Variants in AEBP2 observed in about 807,000 individuals in gnomAD.
AEBP2 encodes the protein zinc finger protein AEBP2.
In AEBP2, 10 loss-of-function variants were observed where a neutral mutation model predicts 50.8. The observed-to-expected ratio is 0.20, with a 90% CI of 0.12 to 0.33. The LOEUF is 0.33. Ranked by LOEUF, AEBP2 falls within the 10% of genes least tolerant of loss-of-function variation. AEBP2 has a pLI of 1.00. For synonymous variants in AEBP2, 296 were observed against 261.3 expected (o/e 1.13, Z -1.28); for missense variants, 570 against 688.0 (o/e 0.83, Z 1.92).
At chr12:19,441,274 T>C (rs1352412588) in intron 1 of AEBP2, among the ~76,000 whole-genome samples, 1 of 152,204 alleles carries the variant, frequency 6.6e-6, no homozygotes, top group African/African-American at 2.4e-5. Context: ...GCGCATTTTT[T>C]CAGAACATTT....
intron 6 of AEBP2, among the ~76,000 whole-genome samples, chr12:19,514,426 T>C (rs1261267362): frequency 6.6e-6 from 1 of 152,246 alleles, no homozygotes; most frequent in Non-Finnish European, 1.5e-5. Context: ...TTTGATAAGA[T>C]ATTGCCACTG....
intron 5 of AEBP2, chr12:19,508,951 C>T (rs1949193714): frequency 1.1e-5 from 5 of 464,666 alleles, no homozygotes; most frequent in Non-Finnish European, 2.1e-5. Context: ...ACAATACAGC[C>T]TCTAACAAAA....
chr12:19,442,030 AC>A (rs763392506), intron 1 of AEBP2, among the ~76,000 whole-genome samples: 10 of 152,178 alleles, frequency 6.6e-5, no homozygotes, highest in Non-Finnish European at 1.0e-4. Context: ...GACAGTAAAT[AC>A]AGCATGGAAA....
intron 3 of AEBP2, among the ~76,000 whole-genome samples, chr12:19,480,139 G>T (rs561087064): frequency 6.9e-4 from 105 of 152,142 alleles, no homozygotes; most frequent in Non-Finnish European, 1.1e-3. Flanking sequence ...GTCTCACTCT[G>T]TTGCCCAGGC....
intron 3 of AEBP2, among the ~76,000 whole-genome samples, chr12:19,480,645 T>G (rs1948713386): frequency 6.6e-6 from 1 of 152,232 alleles, no homozygotes; most frequent in Non-Finnish European, 1.5e-5. Flanking sequence ...AGGTTTCTGC[T>G]GAGAAGTCTG....
intron 1 of AEBP2, among the ~76,000 whole-genome samples, chr12:19,407,449 G>A (rs545389568): frequency 5.3e-5 from 8 of 152,076 alleles, no homozygotes; most frequent in African/African-American, 1.4e-4. Context: ...GATTACAGGC[G>A]CACGCCACCA....
intron 1 of AEBP2, among the ~76,000 whole-genome samples, chr12:19,459,215 A>G (rs1248284465): frequency 6.6e-6 from 1 of 152,168 alleles, no homozygotes; most frequent in Non-Finnish European, 1.5e-5. Context: ...TAAGGGCCTC[A>G]TGAAACTTGA....
chr12:19,465,987 TC>T (rs1948466582), intron 2 of AEBP2, among the ~76,000 whole-genome samples: 2 of 151,706 alleles, frequency 1.3e-5, no homozygotes, highest in Non-Finnish European at 2.9e-5. Flanking sequence ...AGATGGGATT[TC>T]ACCATATTGG....
intron 1 of AEBP2, among the ~76,000 whole-genome samples, chr12:19,455,955 T>TC (rs71067022): frequency 0.16 from 24,583 of 151,826 alleles, 3,464 homozygotes; most frequent in African/African-American, 0.38. Context: ...TTTTTTTTTT[T>TC]CCTCATTAAA....
chr12:19,509,018 G>T, intron 5 of AEBP2: 15 of 549,096 alleles, frequency 2.7e-5, no homozygotes, highest in Non-Finnish European at 4.6e-5. Context: ...TAAGAACGTT[G>T]GGAAAGCACC....
chr12:19,478,804 G>A lies in AEBP2; in HGVS notation c.987+5449G>A, dbSNP rs560743005. On this transcript the variant is annotated intron_variant, in intron 3 of 7. Transcript: ENST00000266508. Reference sequence around the variant, plus strand: ...GGGTTCCTTTTGGAGTTAATTTCCAGTTTCATTCCACTGTGGTCTGATAGG... The same window carrying A: ...GGGTTCCTTTTGGAGTTAATTTCCAATTTCATTCCACTGTGGTCTGATAGG... Among the ~76,000 whole-genome samples the A allele has an allele frequency of 5.9e-5, 9 of 152,138 alleles. No individual in the cohort carries two copies. The South Asian group carries it at 1.9e-3, about 32-fold the overall frequency.
chr12:19,437,156 G>A (rs1476990799), upstream of AEBP2, among the ~76,000 whole-genome samples: 4 of 152,142 alleles, frequency 2.6e-5, no homozygotes, highest in Admixed American at 1.3e-4. Context: ...AGGTCAAGAC[G>A]AATCTGGACA....
chr12:19,483,951 T>C (rs186839106), intron 3 of AEBP2, among the ~76,000 whole-genome samples: 1 of 152,340 alleles, frequency 6.6e-6, no homozygotes, highest in Admixed American at 6.5e-5. Flanking sequence ...CTAGAGCTAG[T>C]GCCGTCATCA....
intron 1 of AEBP2, among the ~76,000 whole-genome samples, chr12:19,423,093 A>AAAAAG: frequency 2.0e-5 from 3 of 150,254 alleles, no homozygotes; most frequent in Non-Finnish European, 4.4e-5. Context: ...AAAAAAAAAA[A>AAAAAG]AGAACATCTG....
At chr12:19,429,947 GTT>G (rs2095750593) in intron 1 of AEBP2, among the ~76,000 whole-genome samples, 1 of 152,082 alleles carries the variant, frequency 6.6e-6, no homozygotes, top group South Asian at 2.1e-4. Flanking sequence ...TCTGATGGTA[GTT>G]TCTTTTGCTC....
In AEBP2 at chr12:19,477,090, A is replaced by G. The variant is rs182261858; in HGVS notation, c.987+3735A>G. 2.4e-4 allele frequency among the ~76,000 whole-genome samples: 37 copies of G among 152,186 alleles called. No individual in the cohort carries two copies. The East Asian group carries it at 6.8e-3, about 28-fold the overall frequency. On this transcript the variant is annotated intron_variant, in intron 3 of 7. Coordinates refer to ENST00000266508, the MANE Select transcript of AEBP2 (RefSeq NM_153207.5). ...TTTGTAGCTTTTGTAATAGGGGTTAAGTTCTTTAGTTGTTTCTCAACTTCG... is the reference window on the plus strand; with the variant it reads ...TTTGTAGCTTTTGTAATAGGGGTTAGGTTCTTTAGTTGTTTCTCAACTTCG...
At chr12:19,513,754 A>G (rs1011338743) in intron 6 of AEBP2, among the ~76,000 whole-genome samples, 2 of 152,002 alleles carry the variant, frequency 1.3e-5, no homozygotes, top group African/African-American at 4.8e-5. Context: ...ACAGAGTGAG[A>G]CCCTGTTCAA....
chr12:19,489,668 T>C (rs994177478), intron 3 of AEBP2, among the ~76,000 whole-genome samples: 1 of 152,192 alleles, frequency 6.6e-6, no homozygotes, highest in Admixed American at 6.5e-5. Flanking sequence ...CATGAAATGC[T>C]CATGTAAAGA....
rs1172746022 is a variant in AEBP2 at position 19,518,140 on chromosome 12, G to A, written c.*23G>A. 3 of 1,581,786 alleles carry A rather than the reference G, an allele frequency of 1.9e-6. No homozygotes were observed. Among genetic ancestry groups the A allele is most frequent in the Non-Finnish European group, 2.6e-6 (3 of 1,163,530 alleles). The stretch of plus-strand genomic sequence containing the variant: ...TAAAAAATAAATAAATACATAAAAA[G>A]CAAACAAGCGGGGACACCTGCAGTC... On this transcript the variant is annotated 3_prime_UTR_variant, in exon 8 of 8. Transcript: ENST00000266508.
Sources: gnomAD v4.1 joint callset for allele counts (sites outside exome capture counted in the v4.1 genomes callset) on GRCh38, gnomAD v4.1.1 for gene constraint, MANE v1.5 for transcripts, NCBI Gene and HGNC (gene_info 2026-07-23, HGNC 2026-07-21) for gene names.